FILIP1L: variants seen among roughly 807,000 people sequenced by gnomAD.
FILIP1L encodes the protein filamin A interacting protein 1 like.
Under a neutral mutation model 96.6 loss-of-function variants are expected in FILIP1L, and 55 were observed. The ratio of observed to expected loss-of-function variants is 0.57; its 90% confidence interval spans 0.46 to 0.71. FILIP1L has a LOEUF of 0.71. FILIP1L is among the 30% of genes least tolerant of loss of function. FILIP1L has a pLI of 0.00. For missense variants in FILIP1L, 1,304 were observed against 1,321.2 expected (o/e 0.99, Z 0.20); for synonymous variants, 467 against 473.9 (o/e 0.99, Z 0.19).
chr3:100,047,848 A>AT (rs1268272661), intron 1 of FILIP1L, among the ~76,000 whole-genome samples: 2 of 152,134 alleles, frequency 1.3e-5, no homozygotes, highest in Non-Finnish European at 1.5e-5. Flanking sequence ...AAAGGAAGGC[A>AT]TTTTTGGTTG....
At chr3:99,833,209 C>G in intron 5 of FILIP1L, 2 of 1,605,114 alleles carry the variant, frequency 1.2e-6, no homozygotes, top group Non-Finnish European at 1.7e-6. Flanking sequence ...ATTTGGAATG[C>G]CTTAAAAGTC....
chr3:100,003,818 A>G (rs894227562), intron 1 of FILIP1L, among the ~76,000 whole-genome samples: 4 of 152,338 alleles, frequency 2.6e-5, no homozygotes, highest in South Asian at 2.1e-4. Context: ...ATTAAGTTCT[A>G]TGTTGAAGTT....
chr3:99,852,839 T>C lies in FILIP1L; in HGVS notation c.606-1769A>G, dbSNP rs564195458. 2.0e-5 allele frequency among the ~76,000 whole-genome samples: 3 copies of C among 152,374 alleles called. No homozygotes were observed. The South Asian group carries it at 6.2e-4, about 32-fold the overall frequency. On this transcript the variant is annotated intron_variant, in intron 4 of 5. Coordinates refer to ENST00000477258, the MANE Select transcript of FILIP1L (RefSeq NM_001387850.1). Reference sequence around the variant, plus strand: ...TAATCTGCTCTTTTCTGTAATTTTCTGTAATTACATTCCATAGGAGGAACA... The same window carrying C: ...TAATCTGCTCTTTTCTGTAATTTTCCGTAATTACATTCCATAGGAGGAACA...
At chr3:100,099,377 G>A (rs537228029) in intron 1 of FILIP1L, among the ~76,000 whole-genome samples, 1 of 152,256 alleles carries the variant, frequency 6.6e-6, no homozygotes, top group East Asian at 1.9e-4. Context: ...AAACGAGTAA[G>A]CTATCACTTT....
intron 4 of FILIP1L, among the ~76,000 whole-genome samples, chr3:99,896,245 A>G (rs1454512496): frequency 2.0e-5 from 3 of 152,218 alleles, no homozygotes; most frequent in African/African-American, 2.4e-5. Flanking sequence ...GTGGCAACAT[A>G]TGTTTGAAAC....
chr3:99,872,376 G>T (rs1289247325), intron 4 of FILIP1L, among the ~76,000 whole-genome samples: 1 of 147,790 alleles, frequency 6.8e-6, no homozygotes, highest in African/African-American at 2.5e-5. Context: ...CCTTATCAAG[G>T]TACTTCTCAA....
At chr3:100,027,080 A>G (rs1275092671) in intron 1 of FILIP1L, among the ~76,000 whole-genome samples, 1 of 152,070 alleles carries the variant, frequency 6.6e-6, no homozygotes, top group Admixed American at 6.6e-5. Flanking sequence ...CTTTGCTTAA[A>G]TGTCATCTTC....
chr3:99,862,458 T>C (rs1197207833), intron 4 of FILIP1L, among the ~76,000 whole-genome samples: 1 of 152,352 alleles, frequency 6.6e-6, no homozygotes, highest in East Asian at 1.9e-4. Context: ...GTCATAATGA[T>C]TGTCATTTTA....
chr3:99,860,028 C>CT (rs1175079700), intron 4 of FILIP1L, among the ~76,000 whole-genome samples: 2 of 152,128 alleles, frequency 1.3e-5, no homozygotes, highest in Admixed American at 6.6e-5. Flanking sequence ...AACAGTAACA[C>CT]TTTTTTTGGC....
chr3:100,063,797 A>G lies in FILIP1L; in HGVS notation c.-11+50256T>C, dbSNP rs554747356. ...GGACTTCAGGGTACAGAGGAAAACT[A>G]ATTTTTAAAGCATCTAATTTCTTCT... is the stretch of plus-strand genomic sequence containing the variant. On this transcript the variant is annotated intron_variant, in intron 1 of 5. Transcript: ENST00000477258. Among the ~76,000 whole-genome samples, 19 of 152,338 alleles carry G rather than the reference A, an allele frequency of 1.2e-4. No individual in the cohort carries two copies. The South Asian group carries it at 3.1e-3, about 25-fold the overall frequency.
chr3:99,989,677 TA>T (rs1262309420), intron 1 of FILIP1L, among the ~76,000 whole-genome samples: 40 of 142,916 alleles, frequency 2.8e-4, no homozygotes, highest in African/African-American at 1.0e-3. Flanking sequence ...TATATATATA[TA>T]TATATATTTT....
intron 4 of FILIP1L, among the ~76,000 whole-genome samples, chr3:99,864,569 C>CA: frequency 6.6e-6 from 1 of 152,236 alleles, no homozygotes; most frequent in East Asian, 1.9e-4. Context: ...AAACCCCAGA[C>CA]AAAAAATGTT....
At chr3:100,047,789 G>A (rs2065300636) in intron 1 of FILIP1L, among the ~76,000 whole-genome samples, 1 of 152,054 alleles carries the variant, frequency 6.6e-6, no homozygotes, top group Non-Finnish European at 1.5e-5. Context: ...GCATTCAGTG[G>A]CTGTGCGTCT....
intron 1 of FILIP1L, among the ~76,000 whole-genome samples, chr3:100,024,111 T>C (rs2064876300): frequency 6.6e-6 from 1 of 152,190 alleles, no homozygotes; most frequent in Non-Finnish European, 1.5e-5. Context: ...ACACTCCGTC[T>C]TCAGCTCCTT....
chr3:99,917,581 T>C (rs573953384), intron 4 of FILIP1L, among the ~76,000 whole-genome samples: 27 of 152,352 alleles, frequency 1.8e-4, no homozygotes, highest in African/African-American at 6.3e-4. Context: ...GATTGCTAGG[T>C]CTTTTCTAGC....
chr3:99,855,911 A>G (rs1053988693), intron 4 of FILIP1L, among the ~76,000 whole-genome samples: 5 of 152,260 alleles, frequency 3.3e-5, no homozygotes, highest in Non-Finnish European at 7.3e-5. Flanking sequence ...CAGCCAAACC[A>G]GTCATTCAGG....
Position 99,942,344 on chromosome 3 carries a change from T to C in FILIP1L, c.-10-11314A>G, listed in dbSNP as rs1400403497. ...GACATGTTCTCCTGGGATTTACTTT[T>C]AAATACTCCAGAAAAAAATAATGGC... On this transcript the variant is annotated intron_variant, in intron 1 of 5. Transcript: ENST00000477258. Among the ~76,000 whole-genome samples, 4 of 152,208 alleles carry C rather than the reference T, an allele frequency of 2.6e-5. No individual in the cohort carries two copies. The East Asian group carries it at 7.7e-4, about 29-fold the overall frequency.
chr3:99,890,484 A>G (rs561003067), intron 4 of FILIP1L, among the ~76,000 whole-genome samples: 2 of 152,230 alleles, frequency 1.3e-5, no homozygotes, highest in East Asian at 3.9e-4. Context: ...CTTATAACCT[A>G]GATTAGACAC....
At chr3:99,898,718 A>T (rs1279499089) in intron 4 of FILIP1L, 2 of 154,782 alleles carry the variant, frequency 1.3e-5, no homozygotes, top group African/African-American at 4.9e-5. Flanking sequence ...GTGAGCCAAG[A>T]TCATGCCATT....
Sources: allele counts gnomAD v4.1 joint callset (sites outside exome capture counted in the v4.1 genomes callset), GRCh38; gene constraint gnomAD v4.1.1; transcripts MANE v1.5; gene names NCBI Gene and HGNC (gene_info 2026-07-23, HGNC 2026-07-21).